POLA1: variants seen among roughly 807,000 people sequenced by gnomAD.
POLA1 encodes the protein DNA polymerase alpha catalytic subunit.
In POLA1, 15 loss-of-function variants were observed where a neutral mutation model predicts 124.0. The observed-to-expected ratio is 0.12, with a 90% CI of 0.08 to 0.19. POLA1 has a LOEUF of 0.19. Among genes scored for constraint, POLA1 ranks in the 10% least tolerant of loss-of-function variants. The pLI, the probability that POLA1 is intolerant of heterozygous loss-of-function variation, is 1.00. For missense variants in POLA1, 886 were observed against 1,103.4 expected (o/e 0.80, Z 2.79); for synonymous variants, 408 against 389.4 (o/e 1.05, Z -0.56).
At chrX:24,902,802 C>T (rs2047299994) in intron 35 of POLA1, among the ~76,000 whole-genome samples, 1 of 112,054 alleles carries the variant, frequency 8.9e-6, no homozygotes, top group African/African-American at 3.2e-5. Flanking sequence ...AAAACTTCAT[C>T]AGTGACACAT....
chrX:24,933,373 C>T (rs2047808968), intron 36 of POLA1, among the ~76,000 whole-genome samples: 1 of 111,809 alleles, frequency 8.9e-6, no homozygotes, highest in African/African-American at 3.3e-5. Context: ...TCAAGGGAGA[C>T]CTGCTATTAA....
chrX:24,702,536 C>T (rs1387458529), intron 2 of POLA1, among the ~76,000 whole-genome samples: 2 of 111,940 alleles, frequency 1.8e-5, no homozygotes, highest in Non-Finnish European at 1.9e-5. Flanking sequence ...ACCAGTAGCT[C>T]ATAGTGTTCT....
intron 23 of POLA1, among the ~76,000 whole-genome samples, chrX:24,744,173 G>A: frequency 8.9e-6 from 1 of 112,721 alleles, no homozygotes; most frequent in East Asian, 2.8e-4. Context: ...TATCTAATAA[G>A]TTAGTTCTGA....
chrX:24,943,256 A>G (rs1170727843), intron 36 of POLA1, among the ~76,000 whole-genome samples: 1 of 112,768 alleles, frequency 8.9e-6, no homozygotes, highest in East Asian at 2.8e-4. Flanking sequence ...AAGACAAAAC[A>G]AAATAGAAAT....
intron 34 of POLA1, among the ~76,000 whole-genome samples, chrX:24,882,520 C>G (rs773424416): frequency 9.0e-6 from 1 of 110,920 alleles, no homozygotes; most frequent in South Asian, 3.8e-4. Context: ...CCTTTATGTT[C>G]ATGTGTACCC....
At chrX:24,853,394 C>G (rs979136713) in intron 34 of POLA1, among the ~76,000 whole-genome samples, 3 of 112,003 alleles carry the variant, frequency 2.7e-5, no homozygotes, top group Non-Finnish European at 5.6e-5. Flanking sequence ...TTTTTGTGCT[C>G]TGGTATATTA....
chrX:24,734,368 A>G (rs1264024432), intron 17 of POLA1: 1 of 112,242 alleles, frequency 8.9e-6, no homozygotes, highest in African/African-American at 3.2e-5. Flanking sequence ...TTCAATTAAA[A>G]GAATTTTCTT....
intron 1 of POLA1, among the ~76,000 whole-genome samples, 188 bp from the exon 2 acceptor site, chrX:24,699,237 C>T (rs963192707): frequency 7.2e-5 from 8 of 111,649 alleles, no homozygotes; most frequent in Non-Finnish European, 1.5e-4. Context: ...AACTTTCTGG[C>T]GAGTCATGTA....
At chrX:24,713,221 C>G (rs1293978553) in intron 4 of POLA1, among the ~76,000 whole-genome samples, 2 of 110,683 alleles carry the variant, frequency 1.8e-5, no homozygotes, top group Admixed American at 1.9e-4. Flanking sequence ...CCTCGGCCTC[C>G]CAAAGTGCTG....
chrX:24,721,673 A>G (rs1930211798), intron 10 of POLA1, among the ~76,000 whole-genome samples: 1 of 112,155 alleles, frequency 8.9e-6, no homozygotes, highest in Admixed American at 9.5e-5. Flanking sequence ...TCAAGGTTGA[A>G]TAATCCTGAC....
At chrX:24,877,927 G>GT (rs1454970867) in intron 34 of POLA1, among the ~76,000 whole-genome samples, 11 of 79,946 alleles carry the variant, frequency 1.4e-4, no homozygotes, top group Admixed American at 8.3e-4. Context: ...TTTTTTTTTT[G>GT]TTTTTTTTTT....
At chrX:24,954,745 A>G (rs777121417) in intron 36 of POLA1, among the ~76,000 whole-genome samples, 2 of 112,323 alleles carry the variant, frequency 1.8e-5, no homozygotes, top group East Asian at 5.6e-4. Context: ...TTCACTGGTC[A>G]GTGGACCACA....
chrX:24,944,682 TGTAAGCTCTCA>T (rs1226608258), intron 36 of POLA1, among the ~76,000 whole-genome samples: 1 of 111,992 alleles, frequency 8.9e-6, no homozygotes, highest in Non-Finnish European at 1.9e-5. Context: ...GCTCAAATGA[TGTAAGCTCTCA>T]CGAACTAGAG....
intron 10 of POLA1, among the ~76,000 whole-genome samples, chrX:24,721,545 T>C (rs970981126): frequency 3.6e-5 from 4 of 112,575 alleles, no homozygotes; most frequent in Non-Finnish European, 7.5e-5. Context: ...GACCCTGTTA[T>C]TGTTTCTCAC....
intron 26 of POLA1, among the ~76,000 whole-genome samples, chrX:24,772,175 G>A (rs188969590): frequency 1.9e-4 from 21 of 110,795 alleles, no homozygotes; most frequent in African/African-American, 5.6e-4. Flanking sequence ...AGGACTTTTC[G>A]TATTGTTTTC....
At chrX:24,847,718 A>G (rs1191093204) in intron 34 of POLA1, among the ~76,000 whole-genome samples, 2 of 112,078 alleles carry the variant, frequency 1.8e-5, no homozygotes, top group Non-Finnish European at 3.8e-5. Context: ...TTTCTGTTTT[A>G]TGTGTGATCT....
chrX:24,860,221 T>C (rs1035852787), intron 34 of POLA1, among the ~76,000 whole-genome samples: 7 of 112,847 alleles, frequency 6.2e-5, no homozygotes, highest in African/African-American at 2.3e-4. Context: ...TGAGAAGCCC[T>C]TAGCACCATG....
Position 24,850,207 on chromosome X carries a change from C to T in POLA1, c.4047+6530C>T, listed in dbSNP as rs546147137. On this transcript the variant is annotated intron_variant, in intron 34 of 36. Transcript: ENST00000379068. The stretch of plus-strand genomic sequence containing the variant: ...TTGAGTCAGGTATAACATTTTGCTG[C>T]TATGCCATGGCATGTTCTCACAGAA... Among the ~76,000 whole-genome samples the T allele has an allele frequency of 9.8e-5, 11 of 112,516 alleles. No individual in the cohort carries two copies. The South Asian group carries it at 4.1e-3, about 42-fold the overall frequency.
intron 36 of POLA1, among the ~76,000 whole-genome samples, chrX:24,956,525 A>T (rs2048108591): frequency 9.1e-6 from 1 of 110,400 alleles, no homozygotes; most frequent in Non-Finnish European, 1.9e-5. Context: ...TTCCCGGGGT[A>T]ACAAAGACTC....
Sources: gnomAD v4.1 joint callset for allele counts (sites outside exome capture counted in the v4.1 genomes callset) on GRCh38, gnomAD v4.1.1 for gene constraint, MANE v1.5 for transcripts, NCBI Gene and HGNC (gene_info 2026-07-23, HGNC 2026-07-21) for gene names.